The following EXOSC2 variants were observed in gnomAD, a reference collection of about 807,000 sequenced individuals.
EXOSC2 encodes exosome complex component RRP4.
A neutral mutation model predicts 37.6 loss-of-function variants in EXOSC2; 29 were observed. The observed-to-expected ratio is 0.77, with a 90% CI of 0.57 to 1.05. EXOSC2 has a LOEUF of 1.05. Among genes scored for constraint, EXOSC2 ranks in the 50% least tolerant of loss-of-function variants. EXOSC2 has a pLI of 0.00. For synonymous variants in EXOSC2, 119 were observed against 131.1 expected (o/e 0.91, Z 0.63); for missense variants, 346 against 365.6 (o/e 0.95, Z 0.44).
chr9:130,697,624 A>G lies in EXOSC2; in HGVS notation c.267A>G (p.Thr89=). Residue 89 remains threonine (T), a synonymous_variant, in exon 3 of 9, where the codon ACA becomes ACG. Transcript: ENST00000372358. ...GAGACATCGTAGTGGGACGAATCAC[A>G]GAGGTAACGTCGATATCAGATTGGT... The part of the protein sequence containing the change: ...EVGDIVVGRI[T]EVQQKRWKVE... 1.2e-6 allele frequency: 2 copies of G among 1,614,056 alleles called. No homozygotes were observed. The highest frequency in any genetic ancestry group is 1.7e-6 in the Non-Finnish European group (2 of 1,179,910).
At chr9:130,703,652 G>A (rs1445000376) in intron 8 of EXOSC2, 42 bp from the exon 9 acceptor site, 2 of 1,520,518 alleles carry the variant, frequency 1.3e-6, no homozygotes, top group Admixed American at 3.5e-5. Context: ...GTCTGTTTAT[G>A]GTTGGTTTCT....
rs1158280817 is a variant in EXOSC2, at chr9:130,697,631, ACGT to A, written c.270+7_270+9del. ...CGTAGTGGGACGAATCACAGAGGTA[ACGT>A]CGATATCAGATTGGTGTTTACAAAG... On this transcript the variant is annotated splice_donor_5th_base_variant and intron_variant, in intron 3 of 8. Transcript: ENST00000372358. 4 of 1,613,938 alleles carry A rather than the reference ACGT, an allele frequency of 2.5e-6. No individual in the cohort carries two copies.
At position 130,699,333 on chromosome 9, in the gene EXOSC2, G is replaced by C; in HGVS notation, c.365G>C (p.Arg122Thr). Residue 122 changes from arginine to threonine, a missense_variant, in exon 5 of 9, where the codon AGA becomes ACA. Coordinates refer to ENST00000372358, the MANE Select transcript of EXOSC2 (RefSeq NM_014285.7). Reference protein sequence around the residue: ...SMNLPGGELRRRSAEDELAMR... With the variant: ...SMNLPGGELRTRSAEDELAMR... ...TCATTTCTTTGTGTATTTCAGAGGA[G>C]AAGATCTGCAGAAGATGAGCTTGCA... 6.2e-7 allele frequency: 1 copy of C among 1,614,174 alleles called. No individual in the cohort carries two copies. Among genetic ancestry groups the C allele is most frequent in the East Asian group, 2.2e-5 (1 of 44,880 alleles).
In EXOSC2 at chr9:130,703,823, T is replaced by G. The variant is rs762281819; in HGVS notation, c.*49T>G. 1 of 1,443,592 alleles carries G rather than the reference T, an allele frequency of 6.9e-7. No homozygotes were observed. The highest frequency in any genetic ancestry group is 9.6e-7 in the Non-Finnish European group (1 of 1,036,540). 89.4% of individuals were successfully genotyped at this position (1,443,592 alleles called of 1,614,324 possible). On this transcript the variant is annotated 3_prime_UTR_variant, in exon 9 of 9. Transcript: ENST00000372358. The stretch of plus-strand genomic sequence containing the variant: ...CTGTGGACCTTGCAGGAGTGAAGAC[T>G]GTGATGTGTGGTCCCCATATGTGGC...
Position 130,693,927 on chromosome 9 carries a change from T to C in EXOSC2, c.122+14T>C, listed in dbSNP as rs1564254072. The C allele has an allele frequency of 1.3e-6, 2 of 1,586,522 alleles. No homozygotes were observed. The highest frequency in any genetic ancestry group is 2.3e-5 in the East Asian group (1 of 43,720). On this transcript the variant is annotated intron_variant, in intron 1 of 8. Coordinates refer to ENST00000372358, the MANE Select transcript of EXOSC2 (RefSeq NM_014285.7). ...AGGATTCATGCGGTACGTGGGGACTTGGGGGAGTCGAGGCTTCAGAGAGCG... is the reference window on the plus strand; with the variant it reads ...AGGATTCATGCGGTACGTGGGGACTCGGGGGAGTCGAGGCTTCAGAGAGCG...
chr9:130,703,613 G>A, intron 8 of EXOSC2, 81 bp from the exon 9 acceptor site: 1 of 1,099,938 alleles, frequency 9.1e-7, no homozygotes, highest in South Asian at 1.5e-5. Context: ...TATGTTAACG[G>A]CTTGATTTAT....
In EXOSC2 at chr9:130,697,741, G is replaced by A. The variant is rs1831126620; in HGVS notation, c.270+114G>A. 1.4e-5 allele frequency: 13 copies of A among 955,170 alleles called. 2 individuals carry two copies. Among genetic ancestry groups the A allele is most frequent in the South Asian group, 5.3e-5 (4 of 75,864 alleles). 59.2% of individuals were successfully genotyped at this position (955,170 alleles called of 1,614,324 possible). On this transcript the variant is annotated intron_variant, in intron 3 of 8. Transcript: ENST00000372358. ...AAAAAGGCATTCATTGCATTTGGCC[G>A]TTGTGTGGCTTCTGATGTAAATATG...
At chr9:130,702,929 G>A in intron 7 of EXOSC2, 124 bp from the exon 8 acceptor site, 4 of 1,179,870 alleles carry the variant, frequency 3.4e-6, no homozygotes, top group Non-Finnish European at 4.8e-6. Context: ...TAGCTGTTTG[G>A]TTGATTTGGA....
rs752033760 is a variant in EXOSC2 at position 130,703,730 on chromosome 9, A to T, written c.838A>T (p.Ile280Phe). 1 of 1,613,840 alleles carries T rather than the reference A, an allele frequency of 6.2e-7. No individual in the cohort carries two copies. Among genetic ancestry groups the T allele is most frequent in the South Asian group, 1.1e-5 (1 of 91,004 alleles). ...DILKPEIMEE[I>F]VMETRQRLLE... ...CTTAAAGCCAGAAATAATGGAGGAGATTGTGATGGAAACACGCCAGAGGCT... is the reference window on the plus strand; with the variant it reads ...CTTAAAGCCAGAAATAATGGAGGAGTTTGTGATGGAAACACGCCAGAGGCT... Residue 280 changes from isoleucine to phenylalanine, a missense_variant, in exon 9 of 9, where the codon ATT becomes TTT. Coordinates refer to ENST00000372358, the MANE Select transcript of EXOSC2 (RefSeq NM_014285.7).
At chr9:130,699,922 G>C (rs1354079935) in intron 5 of EXOSC2, 1 of 153,974 alleles carries the variant, frequency 6.5e-6, no homozygotes, top group Non-Finnish European at 1.4e-5. Context: ...CCAGAGGGTT[G>C]CTTGAGCCCA....
At chr9:130,697,761 A>C in intron 3 of EXOSC2, 134 bp downstream of exon 3, 1 of 822,624 alleles carries the variant, frequency 1.2e-6, no homozygotes, top group Non-Finnish European at 2.1e-6. Context: ...TTCTGATGTA[A>C]ATATGTGGCT....
intron 2 of EXOSC2, 110 bp downstream of exon 2, chr9:130,695,703 G>GT: frequency 2.3e-6 from 2 of 885,044 alleles, no homozygotes; most frequent in Non-Finnish European, 3.6e-6. Context: ...CTGTCATGCT[G>GT]TAAGTCTGAG....
intron 1 of EXOSC2, 81 bp downstream of exon 1, chr9:130,693,994 G>T (rs923805475): frequency 1.3e-6 from 2 of 1,483,180 alleles, no homozygotes; most frequent in African/African-American, 2.8e-5. Flanking sequence ...TCGTATCCCT[G>T]TGTGTGTAAC....
At chr9:130,697,409 G>A (rs1165767054) in intron 2 of EXOSC2, among the ~76,000 whole-genome samples, 173 bp from the exon 3 acceptor site, 1 of 152,268 alleles carries the variant, frequency 6.6e-6, no homozygotes, top group Non-Finnish European at 1.5e-5. Flanking sequence ...GTGGAGGAAT[G>A]TTTGAAGTTA....
At chr9:130,699,496 C>G in intron 5 of EXOSC2, 102 bp downstream of exon 5, 1 of 1,183,278 alleles carries the variant, frequency 8.5e-7, no homozygotes, top group South Asian at 1.2e-5. Flanking sequence ...GTCATCCTTG[C>G]AGGGATCCGA....
chr9:130,697,782 C>A, intron 3 of EXOSC2, 155 bp downstream of exon 3: 1 of 698,348 alleles, frequency 1.4e-6, no homozygotes, highest in Non-Finnish European at 2.5e-6. Flanking sequence ...TGTTCGATTT[C>A]AGATTACTGG....
chr9:130,696,042 T>C (rs1303355241), intron 2 of EXOSC2, among the ~76,000 whole-genome samples: 1 of 151,822 alleles, frequency 6.6e-6, no homozygotes, highest in Admixed American at 6.6e-5. Context: ...TTTCGATTTT[T>C]AGTAGAGACA....
At chr9:130,697,516 A>G in intron 2 of EXOSC2, 66 bp from the exon 3 acceptor site, 1 of 1,499,156 alleles carries the variant, frequency 6.7e-7, no homozygotes, top group Non-Finnish European at 9.3e-7. Flanking sequence ...GACATCTCAA[A>G]TGGTGTGTGG....
chr9:130,696,602 C>T (rs62581334), intron 2 of EXOSC2, among the ~76,000 whole-genome samples: 1,691 of 152,206 alleles, frequency 0.011, 41 homozygotes, highest in African/African-American at 0.037. Flanking sequence ...TTTTATTTTC[C>T]GAGTGTTTTT....
Sources: allele counts gnomAD v4.1 joint callset (sites outside exome capture counted in the v4.1 genomes callset), GRCh38; gene constraint gnomAD v4.1.1; transcripts MANE v1.5; gene names NCBI Gene and HGNC (gene_info 2026-07-23, HGNC 2026-07-21).